The following MAGI2 variants were observed in gnomAD, a reference collection of about 807,000 sequenced individuals.
The protein encoded by MAGI2 is membrane-associated guanylate kinase, WW and PDZ domain-containing protein 2.
MAGI2 carries 35 observed loss-of-function variants against 133.3 expected under a neutral mutation model. The observed-to-expected ratio is 0.26, with a 90% confidence interval of 0.20 to 0.35. The LOEUF is 0.35. Among genes scored for constraint, MAGI2 ranks in the 10% least tolerant of loss-of-function variants. MAGI2 has a pLI of 1.00. For synonymous variants in MAGI2, 729 were observed against 710.6 expected (o/e 1.03, Z -0.41); for missense variants, 1,636 against 1,863.4 (o/e 0.88, Z 2.25).
At chr7:78,115,639 G>A (rs1819791382) in intron 20 of MAGI2, among the ~76,000 whole-genome samples, 1 of 45,274 alleles carries the variant, frequency 2.2e-5, no homozygotes, top group South Asian at 5.9e-4. Flanking sequence ...GAAAATAAAA[G>A]AAATAACCTG....
At chr7:79,156,975 C>G (rs1823837790) in intron 1 of MAGI2, among the ~76,000 whole-genome samples, 1 of 152,014 alleles carries the variant, frequency 6.6e-6, no homozygotes, top group Admixed American at 6.6e-5. Flanking sequence ...GCTAAGTCCT[C>G]CTGAGTCCTG....
At chr7:78,631,527 G>T (rs1327994949) in intron 2 of MAGI2, among the ~76,000 whole-genome samples, 1 of 152,108 alleles carries the variant, frequency 6.6e-6, no homozygotes, top group Non-Finnish European at 1.5e-5. Flanking sequence ...AAGAGAGTGG[G>T]TTGAAAAAGG....
intron 14 of MAGI2, among the ~76,000 whole-genome samples, chr7:78,168,451 G>A (rs1250555359): frequency 6.6e-6 from 1 of 152,186 alleles, no homozygotes; most frequent in Non-Finnish European, 1.5e-5. Context: ...CTGCCATGAA[G>A]TTTTGGGGAC....
At chr7:78,773,350 A>G (rs1411684887) in intron 2 of MAGI2, among the ~76,000 whole-genome samples, 2 of 152,218 alleles carry the variant, frequency 1.3e-5, no homozygotes, top group Admixed American at 1.3e-4. Flanking sequence ...ATTGATATAA[A>G]TTGGCAAAAA....
intron 1 of MAGI2, among the ~76,000 whole-genome samples, chr7:79,054,083 C>A (rs898823588): frequency 2.0e-5 from 3 of 152,102 alleles, no homozygotes; most frequent in Non-Finnish European, 4.4e-5. Flanking sequence ...GTAGTCCCAG[C>A]TACTCAGGAG....
chr7:79,149,690 G>A lies in MAGI2; in HGVS notation c.302-142484C>T, dbSNP rs979875583. 6.6e-5 allele frequency among the ~76,000 whole-genome samples: 10 copies of A among 152,084 alleles called. No individual in the cohort carries two copies. In the South Asian group the frequency reaches 1.9e-3, roughly 28 times the overall value. On this transcript the variant is annotated intron_variant, in intron 1 of 21. Coordinates refer to ENST00000354212, the MANE Select transcript of MAGI2 (RefSeq NM_012301.4). The stretch of plus-strand genomic sequence containing the variant: ...AACACATTTCCAGCCAAGATCCAGG[G>A]AACCTCAGGCTCAGAGCCTTAGGTA...
At chr7:79,419,857 A>G (rs1380538785) in intron 1 of MAGI2, among the ~76,000 whole-genome samples, 1 of 151,970 alleles carries the variant, frequency 6.6e-6, no homozygotes, top group Non-Finnish European at 1.5e-5. Flanking sequence ...TAAGCAAAAG[A>G]CTCTAAATAA....
chr7:78,933,124 G>T (rs893200881), intron 2 of MAGI2, among the ~76,000 whole-genome samples: 5 of 152,062 alleles, frequency 3.3e-5, no homozygotes, highest in African/African-American at 1.2e-4. Flanking sequence ...TGTTCCAGCA[G>T]CTTGTGGTAG....
chr7:78,293,137 G>T (rs1410113102), intron 9 of MAGI2, among the ~76,000 whole-genome samples: 2 of 152,194 alleles, frequency 1.3e-5, no homozygotes, highest in Non-Finnish European at 2.9e-5. Context: ...TACCATCAGA[G>T]TGAACAGGCA....
At chr7:79,227,850 G>A (rs960339622) in intron 1 of MAGI2, among the ~76,000 whole-genome samples, 3 of 152,118 alleles carry the variant, frequency 2.0e-5, no homozygotes, top group South Asian at 2.1e-4. Flanking sequence ...CTTCTTGGTT[G>A]CTCCTCACAC....
Position 78,201,434 on chromosome 7 carries a change from A to C in MAGI2, c.2048-241T>G, listed in dbSNP as rs1829989. On this transcript the variant is annotated intron_variant, in intron 10 of 21. Coordinates refer to ENST00000354212, the MANE Select transcript of MAGI2 (RefSeq NM_012301.4). ...CAACTGAAGATGCTAAGGCACAGAG[A>C]AGGCAAGTGAACATGTATCAAATCC... Among the ~76,000 whole-genome samples, 73,797 of 151,984 alleles carry C rather than the reference A, an allele frequency of 0.49. 18,159 individuals are homozygous for C. The highest frequency in any genetic ancestry group is 0.55 in the East Asian group (2,845 of 5,166).
chr7:78,846,111 A>G (rs1458509963), intron 2 of MAGI2, among the ~76,000 whole-genome samples: 1 of 151,930 alleles, frequency 6.6e-6, no homozygotes, highest in Non-Finnish European at 1.5e-5. Flanking sequence ...CCATTTTGAC[A>G]AGGTACCATG....
At chr7:78,693,507 T>C (rs949750085) in intron 2 of MAGI2, among the ~76,000 whole-genome samples, 4 of 152,232 alleles carry the variant, frequency 2.6e-5, no homozygotes, top group African/African-American at 9.6e-5. Flanking sequence ...TATTTACTAC[T>C]GGCATCACAA....
At chr7:79,125,481 C>T in intron 1 of MAGI2, 1 of 510,196 alleles carries the variant, frequency 2.0e-6, no homozygotes, top group Non-Finnish European at 3.9e-6. Flanking sequence ...CTAGTTACTC[C>T]AGAGGAAGCA....
At chr7:79,425,048 G>C (rs1404788620) in intron 1 of MAGI2, among the ~76,000 whole-genome samples, 1 of 151,878 alleles carries the variant, frequency 6.6e-6, no homozygotes, top group Non-Finnish European at 1.5e-5. Flanking sequence ...TGGAGTTTAA[G>C]ACCAGCCTGG....
At chr7:78,846,495 A>G (rs899307267) in intron 2 of MAGI2, among the ~76,000 whole-genome samples, 3 of 151,986 alleles carry the variant, frequency 2.0e-5, no homozygotes, top group African/African-American at 7.2e-5. Context: ...TAATTGAAAT[A>G]GATAATGTTT....
chr7:78,591,205 C>T (rs1324813002), intron 3 of MAGI2, among the ~76,000 whole-genome samples: 1 of 152,154 alleles, frequency 6.6e-6, no homozygotes, highest in Non-Finnish European at 1.5e-5. Flanking sequence ...ACATGATTAT[C>T]AAGAGAGATC....
chr7:79,445,418 T>C (rs1022399949), intron 1 of MAGI2, among the ~76,000 whole-genome samples: 1 of 152,222 alleles, frequency 6.6e-6, no homozygotes, highest in Non-Finnish European at 1.5e-5. Flanking sequence ...TCTATCCATC[T>C]GACAAAGGGC....
At chr7:79,028,244 T>TATATATAC (rs1810129182) in intron 1 of MAGI2, among the ~76,000 whole-genome samples, 1 of 38,824 alleles carries the variant, frequency 2.6e-5, no homozygotes, top group Admixed American at 2.6e-4. Context: ...TGTATATATA[T>TATATATAC]ATATATATAT....
Sources: gnomAD v4.1 joint callset for allele counts (sites outside exome capture counted in the v4.1 genomes callset) on GRCh38, gnomAD v4.1.1 for gene constraint, MANE v1.5 for transcripts, NCBI Gene and HGNC (gene_info 2026-07-23, HGNC 2026-07-21) for gene names.